SLFN12: variants seen among roughly 807,000 people sequenced by gnomAD.
The protein encoded by SLFN12 is ribonuclease SLFN12.
In SLFN12, 25 loss-of-function variants were observed where a neutral mutation model predicts 29.1. The ratio of observed to expected loss-of-function variants is 0.86; its 90% CI spans 0.63 to 1.20. The LOEUF (loss-of-function observed/expected upper bound fraction) is 1.20, where lower values mean the gene tolerates loss of function less well. Ranked by LOEUF, SLFN12 falls within the 50% of genes most tolerant of loss-of-function variation. The pLI is 0.00. For missense variants in SLFN12, 660 were observed against 666.2 expected (o/e 0.99, Z 0.10); for synonymous variants, 257 against 238.7 (o/e 1.08, Z -0.71).
intron 3 of SLFN12, 147 bp from the exon 4 acceptor site, chr17:35,412,074 C>T (rs540138724): frequency 1.6e-6 from 1 of 610,308 alleles, no homozygotes; most frequent in African/African-American, 1.9e-5. Flanking sequence ...ATTTAAAGAA[C>T]TAGAAAGCAC....
At chr17:35,430,126 A>G (rs1912228588) in intron 1 of SLFN12, among the ~76,000 whole-genome samples, 2 of 152,032 alleles carry the variant, frequency 1.3e-5, no homozygotes, top group African/African-American at 4.8e-5. Flanking sequence ...CACCCGACCT[A>G]TAGCTTCCAA....
At chr17:35,430,977 T>C (rs1221871043) in intron 1 of SLFN12, among the ~76,000 whole-genome samples, 1 of 152,166 alleles carries the variant, frequency 6.6e-6, no homozygotes, top group Non-Finnish European at 1.5e-5. Flanking sequence ...ATCTATCCTA[T>C]GGGTTCTAGG....
At chr17:35,418,560 T>G (rs1911445779) in intron 3 of SLFN12, among the ~76,000 whole-genome samples, 1 of 147,600 alleles carries the variant, frequency 6.8e-6, no homozygotes, top group Non-Finnish European at 1.5e-5. Flanking sequence ...TGTAAGAATA[T>G]AGTATATGAT....
At chr17:35,413,730 C>T (rs1175250332) in intron 3 of SLFN12, among the ~76,000 whole-genome samples, 4 of 123,746 alleles carry the variant, frequency 3.2e-5, no homozygotes, top group Non-Finnish European at 6.7e-5. Flanking sequence ...ACCTGGGTAA[C>T]AAGAGTGAAA....
At chr17:35,412,144 C>A (rs981961800) in intron 3 of SLFN12, among the ~76,000 whole-genome samples, 2 of 152,068 alleles carry the variant, frequency 1.3e-5, no homozygotes, top group African/African-American at 2.4e-5. Context: ...CAGAAAGTAG[C>A]TTCACATTCA....
At chr17:35,417,950 A>C (rs1287112616) in intron 3 of SLFN12, among the ~76,000 whole-genome samples, 4 of 152,104 alleles carry the variant, frequency 2.6e-5, no homozygotes, top group Admixed American at 1.3e-4. Context: ...ATGAAACTAT[A>C]AAGGCATTAA....
At chr17:35,419,359 T>C (rs1468481597) in intron 3 of SLFN12, among the ~76,000 whole-genome samples, 4 of 152,094 alleles carry the variant, frequency 2.6e-5, no homozygotes, top group African/African-American at 9.7e-5. Flanking sequence ...CATTTGGTAG[T>C]CGTTAATACC....
chr17:35,430,456 G>A (rs1045324645), intron 1 of SLFN12: 3 of 152,020 alleles, frequency 2.0e-5, no homozygotes, highest in Non-Finnish European at 2.9e-5. Flanking sequence ...AGGCCTTAGC[G>A]CCGCTCTCAG....
At position 35,411,323 on chromosome 17, in the gene SLFN12, C is replaced by A; in HGVS notation, c.*15G>T. 6.9e-7 allele frequency: 1 copy of A among 1,450,196 alleles called. No individual in the cohort carries two copies. Among genetic ancestry groups the A allele is most frequent in the Non-Finnish European group, 9.3e-7 (1 of 1,076,872 alleles). 89.8% of individuals were successfully genotyped at this position (1,450,196 alleles called of 1,614,324 possible). A position where few individuals can be genotyped will look rare whatever the true frequency, so the allele number is the denominator to read the frequency against. ...ATATAATGAAAAATATCTCAGTAGC[C>A]CAGTCCATTTTCCATCAGGTGAGCC... On this transcript the variant is annotated 3_prime_UTR_variant, in exon 4 of 4. Coordinates refer to ENST00000304905, the MANE Select transcript of SLFN12 (RefSeq NM_018042.5).
chr17:35,423,092 G>A (rs1911804497), intron 1 of SLFN12, 24 bp from the exon 2 acceptor site: 4 of 1,530,754 alleles, frequency 2.6e-6, no homozygotes, highest in African/African-American at 2.8e-5. Context: ...AGAGCCATTA[G>A]AATAGGACCT....
chr17:35,412,075 T>G (rs556549395), intron 3 of SLFN12, 148 bp from the exon 4 acceptor site: 1 of 611,340 alleles, frequency 1.6e-6, no homozygotes. Context: ...TTTAAAGAAC[T>G]AGAAAGCACC....
intron 2 of SLFN12, among the ~76,000 whole-genome samples, 173 bp downstream of exon 2, chr17:35,421,817 G>GGC (rs1911673231): frequency 6.6e-6 from 1 of 151,664 alleles, no homozygotes; most frequent in South Asian, 2.1e-4. Flanking sequence ...TGGGAATACA[G>GGC]ACGTGAGCCA....
chr17:35,414,029 TG>T (rs1186293962), intron 3 of SLFN12, among the ~76,000 whole-genome samples: 1 of 152,070 alleles, frequency 6.6e-6, no homozygotes, highest in African/African-American at 2.4e-5. Flanking sequence ...GCTAACTCCA[TG>T]CTCAATGGTG....
intron 2 of SLFN12, 101 bp from the exon 3 acceptor site, chr17:35,420,482 G>T: frequency 1.5e-6 from 1 of 688,654 alleles, no homozygotes. Context: ...AACTGATTCT[G>T]TTTTCCAAAA....
chr17:35,422,858 T>C lies in SLFN12; in HGVS notation c.171A>G (p.Gly57=). 1.2e-6 allele frequency: 2 copies of C among 1,613,886 alleles called. No homozygotes were observed. Among genetic ancestry groups the C allele is most frequent in the Non-Finnish European group, 1.7e-6 (2 of 1,179,892 alleles). ...CATTCTCAATTTCAGCCTTGATCAC[T>C]CCCCCTCCAGAATTGAGCAGAGCAC... ...AMCALLNSGG[G]VIKAEIENED... The change falls in exon 2 of 4, where the codon GGA becomes GGG. Residue 57 remains glycine, a synonymous_variant. Coordinates refer to ENST00000304905, the MANE Select transcript of SLFN12 (RefSeq NM_018042.5).
chr17:35,429,624 A>G (rs1397182795), intron 1 of SLFN12, among the ~76,000 whole-genome samples: 2 of 152,086 alleles, frequency 1.3e-5, no homozygotes, highest in Non-Finnish European at 2.9e-5. Flanking sequence ...AGATCTCCTT[A>G]GAGTTATGTC....
At chr17:35,415,230 A>G (rs541683739) in intron 3 of SLFN12, among the ~76,000 whole-genome samples, 1 of 152,086 alleles carries the variant, frequency 6.6e-6, no homozygotes, top group African/African-American at 2.4e-5. Flanking sequence ...GTTCAATTGG[A>G]TCTTCAACAA....
Position 35,421,610 on chromosome 17 carries a change from G to A in SLFN12, c.1039+380C>T, listed in dbSNP as rs185472099. Among the ~76,000 whole-genome samples, 12 of 129,306 alleles carry A rather than the reference G, an allele frequency of 9.3e-5. No individual in the cohort carries two copies. The Admixed American group carries it at 9.4e-4, about 10-fold the overall frequency. 84.8% of individuals were successfully genotyped at this position (129,306 alleles called of 152,430 possible). A position where few individuals can be genotyped will look rare whatever the true frequency, so the allele number is the denominator to read the frequency against. On this transcript the variant is annotated intron_variant, in intron 2 of 3. Transcript: ENST00000304905. The stretch of plus-strand genomic sequence containing the variant: ...GCTGGAGTGCAGTGGCGCAATCTCC[G>A]CCCACTGCAACCTCCGCCACCTGGC...
At chr17:35,427,022 C>A (rs1912056384) in intron 1 of SLFN12, among the ~76,000 whole-genome samples, 1 of 152,100 alleles carries the variant, frequency 6.6e-6, no homozygotes, top group South Asian at 2.1e-4. Context: ...CTTCTCCTCA[C>A]CTGAGATCTG....
Sources: allele counts gnomAD v4.1 joint callset (sites outside exome capture counted in the v4.1 genomes callset), GRCh38; gene constraint gnomAD v4.1.1; transcripts MANE v1.5; gene names NCBI Gene and HGNC (gene_info 2026-07-23, HGNC 2026-07-21).